The following TMEM232 variants were observed in gnomAD, a reference collection of about 807,000 sequenced individuals.
TMEM232 encodes the protein transmembrane protein 232.
In TMEM232, 80 loss-of-function variants were observed where a neutral mutation model predicts 78.8. The ratio of observed to expected loss-of-function variants is 1.01; its 90% CI spans 0.85 to 1.22. The LOEUF is 1.22. Among genes scored for constraint, TMEM232 ranks in the 50% most tolerant of loss-of-function variants. The probability of loss-of-function intolerance (pLI) is 0.00; values close to 1 mark genes in which losing one functional copy is unlikely to be tolerated. For missense variants in TMEM232, 881 were observed against 742.2 expected, an observed-to-expected ratio of 1.19 and a Z score of -2.17; for synonymous variants, 297 against 254.3, an observed-to-expected ratio of 1.17 and a Z score of -1.60.
At chr5:110,529,191 T>G (rs1467480385) in intron 11 of TMEM232, among the ~76,000 whole-genome samples, 1 of 152,180 alleles carries the variant, frequency 6.6e-6, no homozygotes, top group African/African-American at 2.4e-5. Context: ...TACATTTTAT[T>G]AAATCAGACT....
rs244410 is a variant in TMEM232, at chr5:110,687,631, G to T, written c.-12-20267C>A. On this transcript the variant is annotated intron_variant, in intron 1 of 13. Coordinates refer to ENST00000455884, the MANE Select transcript of TMEM232 (RefSeq NM_001039763.4). ...CTTTATATTTATATCTATTGTTTTG[G>T]GAAAAAAAGGTAGTTTTGGTTTCTA... Among the ~76,000 whole-genome samples, 741 of 151,866 alleles carry T rather than the reference G, an allele frequency of 4.9e-3. 7 individuals carry two copies. The highest frequency in any genetic ancestry group is 0.017 in the African/African-American group (700 of 41,364).
At chr5:110,716,726 G>A (rs938935258) in intron 1 of TMEM232, among the ~76,000 whole-genome samples, 1 of 152,106 alleles carries the variant, frequency 6.6e-6, no homozygotes, top group African/African-American at 2.4e-5. Flanking sequence ...CAGGGTTATG[G>A]GGATCCCTGT....
At chr5:110,735,235 T>C (rs748217576) in intron 1 of TMEM232, among the ~76,000 whole-genome samples, 43 of 152,238 alleles carry the variant, frequency 2.8e-4, no homozygotes, top group Non-Finnish European at 5.0e-4. Flanking sequence ...ACAGGCACTT[T>C]TGTTTGGTAG....
intron 1 of TMEM232, among the ~76,000 whole-genome samples, chr5:110,698,540 C>G (rs752863145): frequency 8.5e-5 from 13 of 152,082 alleles, no homozygotes; most frequent in Non-Finnish European, 1.8e-4. Context: ...CAGGGACACA[C>G]AGGACTCATC....
chr5:110,474,314 T>G (rs968685937), intron 12 of TMEM232, among the ~76,000 whole-genome samples: 1 of 151,976 alleles, frequency 6.6e-6, no homozygotes. Context: ...ATTAGCAAAT[T>G]ATGGCTAGAA....
At chr5:110,707,457 G>A (rs1448780382) in intron 1 of TMEM232, among the ~76,000 whole-genome samples, 1 of 152,244 alleles carries the variant, frequency 6.6e-6, no homozygotes, top group African/African-American at 2.4e-5. Context: ...GAAAGTAGCA[G>A]TTGGACCAGA....
In TMEM232 at chr5:110,584,515, C is replaced by T. The variant is rs201140615; in HGVS notation, c.1277-15890G>A. On this transcript the variant is annotated intron_variant, in intron 10 of 13. Transcript: ENST00000455884. Reference sequence around the variant, plus strand: ...GTTGGTGGAGGCAATAAGAGAATTGCGAATCAATGGGTATAACATTTCAGT... The same window carrying T: ...GTTGGTGGAGGCAATAAGAGAATTGTGAATCAATGGGTATAACATTTCAGT... 4.6e-5 allele frequency among the ~76,000 whole-genome samples: 7 copies of T among 152,016 alleles called. No homozygotes were observed. The East Asian group carries it at 9.7e-4, about 21-fold the overall frequency.
At chr5:110,644,232 T>C (rs529064060) in intron 2 of TMEM232, among the ~76,000 whole-genome samples, 42 of 152,028 alleles carry the variant, frequency 2.8e-4, no homozygotes, top group Middle Eastern at 3.4e-3. Flanking sequence ...TGTTTCTCAA[T>C]AGTCATCTGG....
At chr5:110,560,737 G>T (rs1775645597) in intron 11 of TMEM232, among the ~76,000 whole-genome samples, 1 of 152,180 alleles carries the variant, frequency 6.6e-6, no homozygotes, top group South Asian at 2.1e-4. Context: ...AAACCACAGT[G>T]ACTTTTTCAC....
At chr5:110,435,430 T>C (rs1344550775) in intron 12 of TMEM232, among the ~76,000 whole-genome samples, 2 of 151,802 alleles carry the variant, frequency 1.3e-5, no homozygotes, top group African/African-American at 2.4e-5. Flanking sequence ...AATTACGTCA[T>C]GGAAAATGGA....
chr5:110,424,772 G>T, intron 13 of TMEM232, 51 bp downstream of exon 13: 2 of 1,344,814 alleles, frequency 1.5e-6, no homozygotes, highest in Non-Finnish European at 2.1e-6. Flanking sequence ...CATTTAAAGT[G>T]CTTTTAAGGA....
chr5:110,634,797 A>T (rs1000833838), intron 5 of TMEM232, among the ~76,000 whole-genome samples: 1 of 152,080 alleles, frequency 6.6e-6, no homozygotes, highest in African/African-American at 2.4e-5. Context: ...CTAGTAAAGC[A>T]AGGACAAACC....
intron 12 of TMEM232, among the ~76,000 whole-genome samples, chr5:110,462,700 T>A (rs187815677): frequency 9.2e-5 from 14 of 152,236 alleles, no homozygotes; most frequent in Non-Finnish European, 1.8e-4. Flanking sequence ...CTTCATCTTG[T>A]GATAATATGA....
At chr5:110,666,916 T>C (rs551260726) in intron 2 of TMEM232, 137 of 173,548 alleles carry the variant, frequency 7.9e-4, no homozygotes, top group African/African-American at 3.2e-3. Flanking sequence ...AAATTTGAAA[T>C]AGCAAAGGTC....
At chr5:110,647,964 A>C (rs967734739) in intron 2 of TMEM232, among the ~76,000 whole-genome samples, 1 of 152,058 alleles carries the variant, frequency 6.6e-6, no homozygotes, top group Non-Finnish European at 1.5e-5. Context: ...TGTCTTCCAA[A>C]AAATGAATTA....
intron 1 of TMEM232, among the ~76,000 whole-genome samples, chr5:110,713,216 G>C (rs888491266): frequency 6.6e-6 from 1 of 152,122 alleles, no homozygotes; most frequent in Admixed American, 6.6e-5. Context: ...TGAACTCATG[G>C]AGATAGTACA....
intron 1 of TMEM232, among the ~76,000 whole-genome samples, chr5:110,681,873 G>C (rs1259824147): frequency 2.0e-5 from 3 of 152,104 alleles, no homozygotes; most frequent in African/African-American, 7.2e-5. Context: ...TCCTTCTCGG[G>C]AGAGTTATAT....
chr5:110,513,347 G>A (rs938405871), intron 12 of TMEM232, among the ~76,000 whole-genome samples: 1 of 152,108 alleles, frequency 6.6e-6, no homozygotes, highest in African/African-American at 2.4e-5. Context: ...ACAGAGTGAA[G>A]AGATAAGCTA....
At chr5:110,432,761 T>A (rs1380386956) in intron 12 of TMEM232, among the ~76,000 whole-genome samples, 1 of 151,656 alleles carries the variant, frequency 6.6e-6, no homozygotes, top group East Asian at 1.9e-4. Flanking sequence ...CATAATGATA[T>A]GCATGGGTTC....
Sources: gnomAD v4.1 joint callset for allele counts (sites outside exome capture counted in the v4.1 genomes callset) on GRCh38, gnomAD v4.1.1 for gene constraint, MANE v1.5 for transcripts, NCBI Gene and HGNC (gene_info 2026-07-23, HGNC 2026-07-21) for gene names.